The following FASTKD5 variants were observed in gnomAD, a reference collection of about 807,000 sequenced individuals.
FASTKD5 encodes non-canonical pre-mRNAs endonuclease FASTKD5, mitochondrial.
Under a neutral mutation model 44.0 loss-of-function variants are expected in FASTKD5, and 30 were observed. That is an observed-to-expected ratio of 0.68 (90% confidence interval 0.51 to 0.93). The LOEUF is 0.93. FASTKD5 is among the 40% of genes least tolerant of loss of function. The pLI, the probability that FASTKD5 is intolerant of heterozygous loss-of-function variation, is 0.00. For missense variants in FASTKD5, 868 were observed against 908.2 expected (o/e 0.96, Z 0.57); for synonymous variants, 335 against 342.2 (o/e 0.98, Z 0.23).
Position 3,148,428 on chromosome 20 carries a change from T to C in FASTKD5, c.643A>G (p.Ile215Val). ...GAATGGGAGTGAGGGATTCCTAAAA[T>C]GACAAAAGCTTTCAAAACATTGATC... ...DLINVLKAFV[I>V]LGIPHSHSML... Residue 215 changes from isoleucine to valine, a missense_variant, in exon 2 of 2, where the codon ATT (isoleucine) becomes GTT (valine). Ile to Val is a conservative substitution (Grantham distance 29). Coordinates refer to ENST00000380266, the MANE Select transcript of FASTKD5 (RefSeq NM_021826.5). 6.2e-7 allele frequency: 1 copy of C among 1,614,114 alleles called. No individual in the cohort carries two copies. Among genetic ancestry groups the C allele is most frequent in the Non-Finnish European group, 8.5e-7 (1 of 1,180,014 alleles).
intron 1 of FASTKD5, among the ~76,000 whole-genome samples, chr20:3,157,081 C>T (rs1437212762): frequency 6.7e-6 from 1 of 148,680 alleles, no homozygotes; most frequent in Non-Finnish European, 1.5e-5. Flanking sequence ...GGCTACATGG[C>T]GAGACCCTGT....
chr20:3,154,852 G>T (rs943413415), intron 1 of FASTKD5, among the ~76,000 whole-genome samples: 5 of 151,682 alleles, frequency 3.3e-5, no homozygotes, highest in Admixed American at 1.3e-4. Context: ...GTAGGGGGAG[G>T]TTGATGATAC....
At chr20:3,151,713 T>G (rs2066627021) in intron 1 of FASTKD5, 2 of 152,016 alleles carry the variant, frequency 1.3e-5, no homozygotes, top group Admixed American at 6.5e-5. Context: ...AATAATGTTT[T>G]TCTTTAATAT....
At chr20:3,155,590 C>A (rs75692177) in intron 1 of FASTKD5, among the ~76,000 whole-genome samples, 1 of 151,700 alleles carries the variant, frequency 6.6e-6, no homozygotes, top group Admixed American at 6.6e-5. Context: ...CTCTACTGAA[C>A]TATTTGACTG....
Position 3,147,723 on chromosome 20 carries a change from A to C in FASTKD5, c.1348T>G (p.Phe450Val). 6.2e-7 allele frequency: 1 copy of C among 1,614,210 alleles called. No individual in the cohort carries two copies. The highest frequency in any genetic ancestry group is 8.5e-7 in the Non-Finnish European group (1 of 1,180,040). Residue 450 changes from phenylalanine to valine, a missense_variant, in exon 2 of 2, where the codon TTT (phenylalanine) becomes GTT (valine). Phe to Val is a conservative substitution (Grantham distance 50). Coordinates refer to ENST00000380266, the MANE Select transcript of FASTKD5 (RefSeq NM_021826.5). ...LNYKPPNAEE[F>V]YSSLISEIHR... ...ATCTCACTTATCAGGCTGGAGTAAA[A>C]TTCTTCTGCATTGGGTGGCTTATAA...
chr20:3,147,086 G>C lies in FASTKD5; in HGVS notation c.1985C>G (p.Ala662Gly). ...QQPMELENKA[A>G]VPLGGFLCNV... ...GCAAAGGAAGCCCCCCAGAGGTACAGCTGCCTTATTCTCCAACTCCATGGG... is the reference window on the plus strand; with the variant it reads ...GCAAAGGAAGCCCCCCAGAGGTACACCTGCCTTATTCTCCAACTCCATGGG... The change falls in exon 2 of 2, where the codon GCT becomes GGT. Residue 662 changes from alanine to glycine, a missense_variant. Coordinates refer to ENST00000380266, the MANE Select transcript of FASTKD5 (RefSeq NM_021826.5). 6.2e-7 allele frequency: 1 copy of C among 1,614,100 alleles called. No individual in the cohort carries two copies. The highest frequency in any genetic ancestry group is 8.5e-7 in the Non-Finnish European group (1 of 1,180,042).
chr20:3,154,288 G>A (rs998905894), intron 1 of FASTKD5, among the ~76,000 whole-genome samples: 3 of 152,116 alleles, frequency 2.0e-5, no homozygotes, highest in African/African-American at 4.8e-5. Flanking sequence ...CGGATAATCC[G>A]GGCATGAACA....
rs2066574212 is a variant in FASTKD5 at position 3,147,250 on chromosome 20, G to C, written c.1821C>G (p.Ala607=). Residue 607 remains alanine (A), a synonymous_variant, in exon 2 of 2, where the codon GCC becomes GCG. Transcript: ENST00000380266. ...ATTTGGCTACATTTTCAGCCGGCGTGGCTTCTCTATTAAATGGTAATGGCT... is the reference window on the plus strand; with the variant it reads ...ATTTGGCTACATTTTCAGCCGGCGTCGCTTCTCTATTAAATGGTAATGGCT... ...NLKPLPFNRE[A]TPAENVAKLR... 6.2e-7 allele frequency: 1 copy of C among 1,614,060 alleles called. No individual in the cohort carries two copies. Among genetic ancestry groups the C allele is most frequent in the Non-Finnish European group, 8.5e-7 (1 of 1,180,040 alleles).
chr20:3,157,615 C>T (rs2066699932), intron 1 of FASTKD5, among the ~76,000 whole-genome samples: 2 of 152,184 alleles, frequency 1.3e-5, no homozygotes, highest in South Asian at 4.1e-4. Context: ...TCATAAAACC[C>T]TGTCTTTAGA....
chr20:3,152,387 A>G (rs1335760171), intron 1 of FASTKD5, among the ~76,000 whole-genome samples: 1 of 151,992 alleles, frequency 6.6e-6, no homozygotes, highest in African/African-American at 2.4e-5. Context: ...CTGCAATCCC[A>G]GCTACTCGGG....
intron 1 of FASTKD5, among the ~76,000 whole-genome samples, chr20:3,155,052 CAAAAAAAAAAAA>C (rs11326176): frequency 1.0e-5 from 1 of 96,100 alleles, no homozygotes; most frequent in East Asian, 2.9e-4. Context: ...GACACAGTCT[CAAAAAAAAAAAA>C]AAAAAAAAGA....
At chr20:3,152,819 T>C (rs901784082) in intron 1 of FASTKD5, among the ~76,000 whole-genome samples, 4 of 151,856 alleles carry the variant, frequency 2.6e-5, no homozygotes, top group Non-Finnish European at 5.9e-5. Flanking sequence ...GGCAGGAGAA[T>C]TGCTTGAATC....
At position 3,146,879 on chromosome 20, in the gene FASTKD5, C is replaced by A. The variant is rs774827406; in HGVS notation, c.2192G>T (p.Arg731Leu). ...TTCCCAGTAGGATAACTCTACCACA[C>A]GGTAGCCAAGCCGAGCCAGCTGCCG... ...KRRQLARLGY[R>L]VVELSYWEWL... The change falls in exon 2 of 2, where the codon CGT becomes CTT. Residue 731 changes from arginine to leucine, a missense_variant. Transcript: ENST00000380266. The A allele has an allele frequency of 1.2e-6, 2 of 1,614,178 alleles. No homozygotes were observed. The highest frequency in any genetic ancestry group is 2.2e-5 in the East Asian group (1 of 44,888).
rs1555765478 is a variant in FASTKD5 at position 3,155,068 on chromosome 20, A to AAAAAG, written c.-191+4693_-191+4697dup. On this transcript the variant is annotated intron_variant, in intron 1 of 1. Coordinates refer to ENST00000380266, the MANE Select transcript of FASTKD5 (RefSeq NM_021826.5). ...ACACAGTCTCAAAAAAAAAAAAAAA[A>AAAAAG]AAAAGAAAAGAAAAGAAAAGAAAAA... 2.2e-3 allele frequency among the ~76,000 whole-genome samples: 286 copies of AAAAAG among 131,854 alleles called. 2 individuals are homozygous for AAAAAG. Among genetic ancestry groups the AAAAAG allele is most frequent in the South Asian group, 3.6e-3 (14 of 3,928 alleles). The allele number at this position is 131,854 out of a possible 152,430, so 86.5% of individuals were successfully genotyped here. A position where few individuals can be genotyped will look rare whatever the true frequency, so the allele number is the denominator to read the frequency against.
At position 3,148,011 on chromosome 20, in the gene FASTKD5, G is replaced by A. The variant is rs772727204; in HGVS notation, c.1060C>T (p.Arg354Cys). Residue 354 changes from arginine (R) to cysteine (C), a missense_variant, in exon 2 of 2, where the codon CGC (arginine) becomes TGC (cysteine). By Grantham distance (180) the Arg-to-Cys change is radical. Coordinates refer to ENST00000380266, the MANE Select transcript of FASTKD5 (RefSeq NM_021826.5). ...ATTTTAACAATATTCACTAAGGAGC[G>A]ACTACTCAGATGCTGAATGTTAGCA... is the stretch of plus-strand genomic sequence containing the variant. ...ACANIQHLSS[R>C]SLVNIVKMFR... 4.3e-6 allele frequency: 7 copies of A among 1,614,116 alleles called. No homozygotes were observed. The highest frequency in any genetic ancestry group is 5.9e-6 in the Non-Finnish European group (7 of 1,180,024).
chr20:3,146,699 G>A lies in FASTKD5; in HGVS notation c.*77C>T. ...TATTTTATCGCCAAACTTACATTCT[G>A]GCTTTTATAATCATTTTGCAACACC... is the stretch of plus-strand genomic sequence containing the variant. On this transcript the variant is annotated 3_prime_UTR_variant, in exon 2 of 2. Coordinates refer to ENST00000380266, the MANE Select transcript of FASTKD5 (RefSeq NM_021826.5). The A allele has an allele frequency of 6.7e-7, 1 of 1,493,638 alleles. No homozygotes were observed. The highest frequency in any genetic ancestry group is 9.0e-7 in the Non-Finnish European group (1 of 1,110,828). The allele number at this position is 1,493,638 out of a possible 1,614,324, so 92.5% of individuals were successfully genotyped here.
Position 3,146,568 on chromosome 20 carries a change from C to CATGTATACATT in FASTKD5, c.*197_*207dup, listed in dbSNP as rs2066565119. On this transcript the variant is annotated 3_prime_UTR_variant, in exon 2 of 2. Transcript: ENST00000380266. ...GATGTTTATTATTTACTAAGAGTAA[C>CATGTATACATT]ATGTATACATTTGCAGTAATTTGTA... The CATGTATACATT allele has an allele frequency of 3.5e-6, 2 of 567,756 alleles. No homozygotes were observed. The highest frequency in any genetic ancestry group is 6.8e-5 in the Admixed American group (2 of 29,216). 35.2% of individuals were successfully genotyped at this position (567,756 alleles called of 1,614,324 possible). A position where few individuals can be genotyped will look rare whatever the true frequency, so the allele number is the denominator to read the frequency against.
At chr20:3,152,921 G>A (rs1363097041) in intron 1 of FASTKD5, among the ~76,000 whole-genome samples, 5 of 151,060 alleles carry the variant, frequency 3.3e-5, no homozygotes, top group African/African-American at 1.2e-4. Flanking sequence ...AAAAAAAGTA[G>A]ATCCTAAAAA....
rs1486041429 is a variant in FASTKD5, at chr20:3,146,955, G to A, written c.2116C>T (p.Gln706Ter). 3 of 1,614,054 alleles carry A rather than the reference G, an allele frequency of 1.9e-6. No individual in the cohort carries two copies. Among genetic ancestry groups the A allele is most frequent in the Admixed American group, 1.7e-5 (1 of 59,980 alleles). ...KLAVQFTNRN[Q>*]YCYGSRDLLG... ...AGATCCCTGGAGCCATAGCAATACT[G>A]GTTCCTGTTTGTGAACTGAACAGCC... The change falls in exon 2 of 2, where the codon CAG becomes TAG. Residue 706 changes from glutamine (Q) to a stop codon, truncating the protein, a stop_gained. Transcript: ENST00000380266. LOFTEE classifies it high-confidence loss of function.
Sources: gnomAD v4.1 joint callset for allele counts (sites outside exome capture counted in the v4.1 genomes callset) on GRCh38, gnomAD v4.1.1 for gene constraint, MANE v1.5 for transcripts, NCBI Gene and HGNC (gene_info 2026-07-23, HGNC 2026-07-21) for gene names.